The following BRWD1 variants were observed in gnomAD, a reference collection of about 807,000 sequenced individuals.
BRWD1 encodes the protein bromodomain and WD repeat-containing protein 1.
In BRWD1, 82 loss-of-function variants were observed where a neutral mutation model predicts 251.2. The ratio of observed to expected loss-of-function variants is 0.33; its 90% CI spans 0.27 to 0.39. BRWD1 has a LOEUF of 0.39. Ranked by LOEUF, BRWD1 falls within the 10% of genes least tolerant of loss-of-function variation. The pLI is 1.00. For synonymous variants in BRWD1, 918 were observed against 902.8 expected (o/e 1.02, Z -0.30); for missense variants, 2,233 against 2,711.6 (o/e 0.82, Z 3.92).
chr21:39,202,178 GTTTA>G, intron 38 of BRWD1, 143 bp downstream of exon 38: 2 of 557,126 alleles, frequency 3.6e-6, no homozygotes, highest in South Asian at 5.9e-5. Flanking sequence ...ATTGTTCCAT[GTTTA>G]TTATGTTTAT....
chr21:39,200,190 T>G (rs1323804367), intron 39 of BRWD1, 29 bp downstream of exon 39: 1 of 1,570,986 alleles, frequency 6.4e-7, no homozygotes, highest in Non-Finnish European at 8.6e-7. Flanking sequence ...TTGATATACA[T>G]TCCATAAAAG....
Position 39,236,595 on chromosome 21 carries a change from C to A in BRWD1, c.2766G>T (p.Glu922Asp), listed in dbSNP as rs2033819225. ...KRKKENKPKK[E>D]NLRRMTPAEL... ...ATTTTTAAAGATACGTTTTTCTTAC[C>A]TCCTTCTTAGGCTTATTTTCTTTCT... The change falls in exon 23 of 41, where the codon GAG becomes GAT. Residue 922 changes from glutamate (E) to aspartate (D), a missense_variant and splice_region_variant. Physicochemically the swap from Glu to Asp is conservative, Grantham distance 45. This residue lies in a region of BRWD1 where 214 missense variants were observed against 222.0 expected (regional missense o/e 0.96). Transcript: ENST00000342449. 1 of 1,587,550 alleles carries A rather than the reference C, an allele frequency of 6.3e-7. No homozygotes were observed. The highest frequency in any genetic ancestry group is 8.6e-7 in the Non-Finnish European group (1 of 1,166,112).
At chr21:39,255,952 C>T in intron 18 of BRWD1, 124 bp from the exon 19 acceptor site, 1 of 867,726 alleles carries the variant, frequency 1.2e-6, no homozygotes, top group South Asian at 2.0e-5. Flanking sequence ...AAGATAGTAT[C>T]TACTGAAAAA....
chr21:39,230,746 A>G (rs943440045), intron 25 of BRWD1, among the ~76,000 whole-genome samples: 7 of 152,098 alleles, frequency 4.6e-5, no homozygotes, highest in African/African-American at 1.7e-4. Context: ...AAGCACAAAA[A>G]TGGAAAACAT....
intron 23 of BRWD1, among the ~76,000 whole-genome samples, chr21:39,233,971 G>A (rs2146558751): frequency 6.6e-6 from 1 of 152,340 alleles, no homozygotes; most frequent in South Asian, 2.1e-4. Flanking sequence ...AGTGAGCCGA[G>A]ATTGCCCCAC....
chr21:39,311,186 G>A (rs2036471463), intron 4 of BRWD1, among the ~76,000 whole-genome samples: 1 of 151,822 alleles, frequency 6.6e-6, no homozygotes, highest in East Asian at 1.9e-4. Context: ...TTAAAAAAAA[G>A]AAACTAGGCC....
rs1568852810 is a variant in BRWD1 at position 39,196,850 on chromosome 21, T to C, written c.6219A>G (p.Ser2073=). 1.2e-6 allele frequency: 2 copies of C among 1,613,742 alleles called. No individual in the cohort carries two copies. The highest frequency in any genetic ancestry group is 1.7e-6 in the Non-Finnish European group (2 of 1,179,954). ...SETDRTFSSE[S]TLAQKATAEN... is the part of the protein sequence containing the mutation. ...CTGCAGTAGCTTTTTGTGCCAAGGTTGACTCTGAAGAAAATGTCCTATCAG... is the reference window on the plus strand; with the variant it reads ...CTGCAGTAGCTTTTTGTGCCAAGGTCGACTCTGAAGAAAATGTCCTATCAG... The change falls in exon 41 of 41, where the codon TCA becomes TCG. Residue 2073 remains serine (S), a synonymous_variant. Coordinates refer to ENST00000342449, the MANE Select transcript of BRWD1 (RefSeq NM_033656.4).
intron 5 of BRWD1, chr21:39,296,980 G>A (rs2035978206): frequency 2.0e-6 from 2 of 984,952 alleles, no homozygotes; most frequent in South Asian, 9.4e-5. Flanking sequence ...CTATCTTTAG[G>A]AAGTACCAAT....
chr21:39,247,033 G>A (rs758122277), intron 21 of BRWD1, among the ~76,000 whole-genome samples: 9 of 151,736 alleles, frequency 5.9e-5, no homozygotes, highest in South Asian at 2.1e-4. Context: ...AGCCGAGATC[G>A]CGCCACTGCA....
At chr21:39,292,132 TGGGG>T (rs1182694435) in intron 8 of BRWD1, among the ~76,000 whole-genome samples, 222 of 12,378 alleles carry the variant, frequency 0.018, 13 homozygotes, top group South Asian at 0.057. Context: ...TGGGTGGGGG[TGGGG>T]GGGGGGGTCT....
intron 17 of BRWD1, among the ~76,000 whole-genome samples, chr21:39,259,059 T>C (rs2034654532): frequency 6.6e-6 from 1 of 152,164 alleles, no homozygotes; most frequent in Admixed American, 6.5e-5. Context: ...TCATTTCCAA[T>C]GTGGAGAAAA....
chr21:39,221,828 T>C (rs1186184391), intron 29 of BRWD1, among the ~76,000 whole-genome samples: 1 of 151,538 alleles, frequency 6.6e-6, no homozygotes, highest in African/African-American at 2.4e-5. Context: ...CACTTGACCC[T>C]GGCAGGTGGA....
At chr21:39,305,280 T>C (rs2036251000) in intron 4 of BRWD1, among the ~76,000 whole-genome samples, 1 of 152,104 alleles carries the variant, frequency 6.6e-6, no homozygotes, top group Non-Finnish European at 1.5e-5. Context: ...TTTTAACAAA[T>C]CTTTCTCAGG....
At chr21:39,299,959 G>C (rs2036063486) in intron 4 of BRWD1, among the ~76,000 whole-genome samples, 1 of 152,000 alleles carries the variant, frequency 6.6e-6, no homozygotes, top group South Asian at 2.1e-4. Flanking sequence ...TCCACAGCCT[G>C]GGCGACAAGA....
chr21:39,223,194 A>G (rs989350836), intron 29 of BRWD1, among the ~76,000 whole-genome samples: 1 of 152,208 alleles, frequency 6.6e-6, no homozygotes, highest in Non-Finnish European at 1.5e-5. Flanking sequence ...CCTGATTTTG[A>G]TCACTGCAAT....
chr21:39,313,059 G>A lies in BRWD1; in HGVS notation c.138+13C>T. On this transcript the variant is annotated intron_variant, in intron 3 of 40. Transcript: ENST00000342449. ...AGGAACCCGAGGGAGCGCGGGGACG[G>A]GCGCGCACAGACCTGGTACTGCTCC... is the stretch of plus-strand genomic sequence containing the variant. The A allele has an allele frequency of 7.0e-7, 1 of 1,429,506 alleles. No individual in the cohort carries two copies. Among genetic ancestry groups the A allele is most frequent in the Non-Finnish European group, 9.2e-7 (1 of 1,090,112 alleles). The allele number at this position is 1,429,506 out of a possible 1,614,324, so 88.6% of individuals were successfully genotyped here.
chr21:39,224,953 T>C (rs1021147650), intron 28 of BRWD1, 133 bp downstream of exon 28: 1 of 663,914 alleles, frequency 1.5e-6, no homozygotes, highest in Non-Finnish European at 2.6e-6. Flanking sequence ...CTGAGAGACA[T>C]TTCGGGTCAG....
intron 29 of BRWD1, among the ~76,000 whole-genome samples, chr21:39,222,710 C>A (rs1481859695): frequency 3.3e-5 from 5 of 151,946 alleles, no homozygotes; most frequent in Non-Finnish European, 7.4e-5. Flanking sequence ...ACAATGAAAA[C>A]AAAAAATCAT....
Position 39,255,677 on chromosome 21 carries a change from C to T in BRWD1, c.2223G>A (p.Val741=). 1 of 1,614,062 alleles carries T rather than the reference C, an allele frequency of 6.2e-7. No homozygotes were observed. The highest frequency in any genetic ancestry group is 1.1e-5 in the South Asian group (1 of 91,068). ...ERDLQAWKRR[V]VVPEVPLGIF... ...TGCCTAGTGGTACCTCTGGTACAACCACTCTTCGTTTCCAAGCCTGCAGGT... is the reference window on the plus strand; with the variant it reads ...TGCCTAGTGGTACCTCTGGTACAACTACTCTTCGTTTCCAAGCCTGCAGGT... Residue 741 remains valine, a synonymous_variant, in exon 19 of 41, where the codon GTG becomes GTA. Coordinates refer to ENST00000342449, the MANE Select transcript of BRWD1 (RefSeq NM_033656.4).
Sources: gnomAD v4.1 joint callset for allele counts (sites outside exome capture counted in the v4.1 genomes callset) on GRCh38, gnomAD v4.1.1 for gene constraint, gnomAD v4.1.1 regional missense constraint, MANE v1.5 for transcripts, NCBI Gene and HGNC (gene_info 2026-07-23, HGNC 2026-07-21) for gene names.